NLGN1: variants seen among roughly 807,000 people sequenced by gnomAD.
NLGN1 encodes neuroligin-1.
A neutral mutation model predicts 65.5 loss-of-function variants in NLGN1; 12 were observed. The ratio of observed to expected loss-of-function variants is 0.18; its 90% CI spans 0.12 to 0.30. The LOEUF (loss-of-function observed/expected upper bound fraction) is 0.30. Ranked by LOEUF, NLGN1 falls within the 10% of genes least tolerant of loss-of-function variation. NLGN1 has a pLI of 1.00. For synonymous variants in NLGN1, 350 were observed against 359.5 expected (o/e 0.97, Z 0.30); for missense variants, 750 against 1,007.1 (o/e 0.74, Z 3.46).
intron 4 of NLGN1, among the ~76,000 whole-genome samples, chr3:173,960,553 T>C (rs1264970319): frequency 6.6e-6 from 1 of 152,122 alleles, no homozygotes; most frequent in East Asian, 1.9e-4. Flanking sequence ...TTAAGACGTA[T>C]CTACCATTGA....
At chr3:174,278,997 A>T in exon 6 of NLGN1, 1 of 1,588,722 alleles carries the variant, frequency 6.3e-7, no homozygotes, top group Non-Finnish European at 8.6e-7. Context: ...AGTTAGTGGA[A>T]TGCCTACAGA....
chr3:174,189,301 T>G (rs1167273881), intron 4 of NLGN1, among the ~76,000 whole-genome samples: 1 of 152,012 alleles, frequency 6.6e-6, no homozygotes. Flanking sequence ...TAAACCCATC[T>G]TTCCTCAGTG....
intron 4 of NLGN1, among the ~76,000 whole-genome samples, chr3:173,954,635 G>A (rs1207612006): frequency 6.6e-6 from 1 of 151,928 alleles, no homozygotes; most frequent in Non-Finnish European, 1.5e-5. Flanking sequence ...ATGTACTTCT[G>A]AGGCAATAAG....
chr3:173,948,284 T>G (rs1400849717), intron 4 of NLGN1, among the ~76,000 whole-genome samples: 1 of 152,226 alleles, frequency 6.6e-6, no homozygotes, highest in Non-Finnish European at 1.5e-5. Context: ...ATAAGAAATG[T>G]CAAGCACATA....
chr3:173,817,510 C>T (rs1719272325), intron 4 of NLGN1, among the ~76,000 whole-genome samples: 1 of 152,158 alleles, frequency 6.6e-6, no homozygotes, highest in African/African-American at 2.4e-5. Flanking sequence ...AGGCTGGACT[C>T]ACTCAGGTAA....
intron 3 of NLGN1, among the ~76,000 whole-genome samples, chr3:173,716,044 A>G (rs1240945021): frequency 1.3e-5 from 2 of 152,200 alleles, no homozygotes; most frequent in African/African-American, 4.8e-5. Flanking sequence ...AGAAATATTC[A>G]TAAGACAATT....
chr3:173,474,196 T>C (rs1259639123), intron 2 of NLGN1, among the ~76,000 whole-genome samples: 1 of 152,170 alleles, frequency 6.6e-6, no homozygotes, highest in African/African-American at 2.4e-5. Context: ...TCCTTCTTCT[T>C]CTGAATTCTA....
chr3:173,548,049 G>C (rs141261939), intron 2 of NLGN1, among the ~76,000 whole-genome samples: 1 of 151,590 alleles, frequency 6.6e-6, no homozygotes, highest in African/African-American at 2.4e-5. Context: ...ATTTACTTAC[G>C]CATTTACTTC....
In NLGN1 at chr3:174,139,150, G is replaced by T. The variant is rs1400092451; in HGVS notation, c.647-136165G>T. 2.0e-5 allele frequency among the ~76,000 whole-genome samples: 3 copies of T among 152,054 alleles called. No homozygotes were observed. In the East Asian group the frequency reaches 5.8e-4, roughly 30 times the overall value. ...CTCAGAGTCCCTGGTGTACCTTAGGGTTCATTCTCGGTGTTGTACGTTCTG... is the reference window on the plus strand; with the variant it reads ...CTCAGAGTCCCTGGTGTACCTTAGGTTTCATTCTCGGTGTTGTACGTTCTG... On this transcript the variant is annotated intron_variant, in intron 4 of 6. Coordinates refer to ENST00000457714, the Ensembl canonical transcript of NLGN1.
chr3:173,998,076 C>G (rs1560807811), intron 4 of NLGN1, among the ~76,000 whole-genome samples: 1 of 152,260 alleles, frequency 6.6e-6, no homozygotes, highest in South Asian at 2.1e-4. Context: ...TGCAAAACCT[C>G]CTGGCAGGCC....
intron 3 of NLGN1, among the ~76,000 whole-genome samples, chr3:173,680,497 T>C (rs957144612): frequency 5.9e-5 from 9 of 152,170 alleles, no homozygotes; most frequent in African/African-American, 2.2e-4. Context: ...TAGCCAGTCA[T>C]CAGTTTTTAA....
intron 4 of NLGN1, among the ~76,000 whole-genome samples, chr3:174,076,650 G>A (rs1163445870): frequency 6.6e-6 from 1 of 150,682 alleles, no homozygotes; most frequent in Non-Finnish European, 1.5e-5. Context: ...GCTAGAGAGT[G>A]CTAATAGTTC....
At chr3:174,051,420 A>G (rs926683800) in intron 4 of NLGN1, among the ~76,000 whole-genome samples, 1 of 152,048 alleles carries the variant, frequency 6.6e-6, no homozygotes, top group Non-Finnish European at 1.5e-5. Flanking sequence ...GTCGGCTGCC[A>G]CCTAAACCAA....
intron 4 of NLGN1, among the ~76,000 whole-genome samples, chr3:174,094,029 C>G (rs1202292081): frequency 6.6e-6 from 1 of 151,984 alleles, no homozygotes; most frequent in African/African-American, 2.4e-5. Context: ...TATAAATCTA[C>G]AAATCTGAAC....
exon 7 of NLGN1, chr3:174,284,234 G>A (rs1751870577): frequency 6.6e-6 from 1 of 151,352 alleles, no homozygotes; most frequent in East Asian, 1.9e-4. Flanking sequence ...CATTGTGAAT[G>A]AGTGTTAGTT....
intron 4 of NLGN1, among the ~76,000 whole-genome samples, chr3:174,137,427 C>A (rs1375632296): frequency 1.3e-5 from 2 of 152,102 alleles, no homozygotes; most frequent in African/African-American, 2.4e-5. Flanking sequence ...TTAATCTAGA[C>A]TCTACCTAAT....
intron 4 of NLGN1, among the ~76,000 whole-genome samples, chr3:174,178,822 G>T (rs1193416400): frequency 6.6e-6 from 1 of 151,976 alleles, no homozygotes; most frequent in African/African-American, 2.4e-5. Context: ...GCTTTTTATG[G>T]TTATTAGTCT....
At chr3:173,854,559 C>CT (rs142525171) in intron 4 of NLGN1, among the ~76,000 whole-genome samples, 38 of 152,024 alleles carry the variant, frequency 2.5e-4, no homozygotes, top group East Asian at 5.8e-4. Context: ...GCCTATTTAA[C>CT]TTTTTTTAAA....
At chr3:173,864,911 C>G (rs573696072) in intron 4 of NLGN1, among the ~76,000 whole-genome samples, 2 of 152,090 alleles carry the variant, frequency 1.3e-5, no homozygotes, top group African/African-American at 2.4e-5. Context: ...TCTAAACTGC[C>G]TTTTAGGGGG....
Sources: gnomAD v4.1 joint callset for allele counts (sites outside exome capture counted in the v4.1 genomes callset) on GRCh38, gnomAD v4.1.1 for gene constraint, MANE v1.5 for transcripts, NCBI Gene and HGNC (gene_info 2026-07-23, HGNC 2026-07-21) for gene names.